ZNF395: variants seen among roughly 807,000 people sequenced by gnomAD.
ZNF395 encodes the protein HD gene regulatory region-binding protein 2.
In ZNF395, 20 loss-of-function variants were observed where a neutral mutation model predicts 57.7. The observed-to-expected ratio is 0.35, with a 90% CI of 0.24 to 0.50. The LOEUF (loss-of-function observed/expected upper bound fraction) is 0.50. Ranked by LOEUF, ZNF395 falls within the 20% of genes least tolerant of loss-of-function variation. The pLI is 0.97. For synonymous variants in ZNF395, 295 were observed against 275.9 expected (o/e 1.07, Z -0.69); for missense variants, 606 against 671.2 (o/e 0.90, Z 1.07).
At chr8:28,358,093 C>G (rs1230034516) in intron 3 of ZNF395, among the ~76,000 whole-genome samples, 2 of 150,108 alleles carry the variant, frequency 1.3e-5, no homozygotes, top group African/African-American at 2.5e-5. Flanking sequence ...GGGTTTCAAG[C>G]TAAGAATGGT....
chr8:28,359,191 G>A lies in ZNF395; in HGVS notation c.473+401C>T, dbSNP rs1222838332. Among the ~76,000 whole-genome samples the A allele has an allele frequency of 6.6e-6, 1 of 152,202 alleles. No individual in the cohort carries two copies. The highest frequency in any genetic ancestry group is 1.5e-5 in the Non-Finnish European group (1 of 68,048). Reference sequence around the variant, plus strand: ...GCAGGTGGATCACCAGAGGTCGGGAGTTTGAGACCAGCCTGACCAATAAAT... The same window carrying A: ...GCAGGTGGATCACCAGAGGTCGGGAATTTGAGACCAGCCTGACCAATAAAT... On this transcript the variant is annotated intron_variant, in intron 3 of 9. Coordinates refer to ENST00000344423, the MANE Select transcript of ZNF395 (RefSeq NM_018660.3). This position sits in a 1 kb window ranked among gnomAD's most constrained non-coding sequence, Gnocchi z 4.7.
intron 1 of ZNF395, among the ~76,000 whole-genome samples, chr8:28,367,845 G>A (rs1801929580): frequency 1.3e-5 from 2 of 152,338 alleles, no homozygotes; most frequent in South Asian, 4.1e-4. Flanking sequence ...CGTGTTATAA[G>A]AAAGAATACC....
rs1202076943 is a variant in ZNF395, at chr8:28,346,943, A to G, written c.*1776T>C. On this transcript the variant is annotated 3_prime_UTR_variant, in exon 10 of 10. Transcript: ENST00000344423. ...TACCAAGAGACAGAATTCCACATAC[A>G]TTTTTTTTTTTTTACTAAGTTATAA... is the stretch of plus-strand genomic sequence containing the variant. The G allele has an allele frequency of 7.1e-6, 1 of 140,230 alleles. No homozygotes were observed. Among genetic ancestry groups the G allele is most frequent in the African/African-American group, 2.6e-5 (1 of 37,970 alleles). 8.7% of individuals were successfully genotyped at this position (140,230 alleles called of 1,614,324 possible). A position where few individuals can be genotyped will look rare whatever the true frequency, so the allele number is the denominator to read the frequency against.
At chr8:28,351,917 G>A in intron 6 of ZNF395, 110 bp from the exon 7 acceptor site, 6 of 1,325,406 alleles carry the variant, frequency 4.5e-6, no homozygotes, top group Non-Finnish European at 5.1e-6. Flanking sequence ...AGCAAGCCAG[G>A]GACGGAGCCC....
chr8:28,350,012 T>C (rs1233457793), intron 8 of ZNF395, 52 bp downstream of exon 8: 2 of 1,488,756 alleles, frequency 1.3e-6, no homozygotes, highest in Non-Finnish European at 1.8e-6. Context: ...CTGGGATGTG[T>C]GGGAGAGCCC....
chr8:28,372,399 C>A (rs1801988260), intron 1 of ZNF395, among the ~76,000 whole-genome samples: 1 of 152,148 alleles, frequency 6.6e-6, no homozygotes, highest in Admixed American at 6.5e-5. Flanking sequence ...AAGAGCCAAA[C>A]CTATCGGAAA....
chr8:28,349,514 A>G (rs1443746054), intron 8 of ZNF395, among the ~76,000 whole-genome samples: 1 of 152,182 alleles, frequency 6.6e-6, no homozygotes, highest in Non-Finnish European at 1.5e-5. Context: ...CTATGCCTGG[A>G]AGCCTCACAC....
intron 1 of ZNF395, among the ~76,000 whole-genome samples, chr8:28,363,788 C>T (rs950711973): frequency 6.6e-5 from 10 of 152,076 alleles, no homozygotes; most frequent in African/African-American, 2.2e-4. Flanking sequence ...CAAACTCGGT[C>T]GATGTTTTTT....
At chr8:28,381,434 C>G (rs1802108841) in intron 1 of ZNF395, among the ~76,000 whole-genome samples, 1 of 152,182 alleles carries the variant, frequency 6.6e-6, no homozygotes, top group Non-Finnish European at 1.5e-5. Context: ...CCTCTTGCCT[C>G]AGGCTCCCAA....
Position 28,359,481 on chromosome 8 carries a change from G to A in ZNF395, c.473+111C>T. 7.1e-7 allele frequency: 1 copy of A among 1,417,022 alleles called. No individual in the cohort carries two copies. Among genetic ancestry groups the A allele is most frequent in the East Asian group, 2.4e-5 (1 of 41,678 alleles). 87.8% of individuals were successfully genotyped at this position (1,417,022 alleles called of 1,614,324 possible). A position where few individuals can be genotyped will look rare whatever the true frequency, so the allele number is the denominator to read the frequency against. ...GTGTCCCATTTGTCCCAATATCTTG[G>A]CACCCAGATGCCAATGACACCACAT... On this transcript the variant is annotated intron_variant, in intron 3 of 9. Transcript: ENST00000344423. The surrounding 1 kb of genome is among the most constrained non-coding windows in gnomAD (Gnocchi z 4.7).
intron 4 of ZNF395, among the ~76,000 whole-genome samples, chr8:28,354,208 G>A (rs2091067594): frequency 6.6e-6 from 1 of 152,242 alleles, no homozygotes. Context: ...TGAGCAGGAG[G>A]ACGGGCATCA....
intron 1 of ZNF395, among the ~76,000 whole-genome samples, chr8:28,364,751 G>A (rs567696936): frequency 3.9e-5 from 6 of 152,002 alleles, no homozygotes; most frequent in African/African-American, 4.8e-5. Context: ...GGAGACAGGC[G>A]GAGATTCCAT....
chr8:28,363,132 T>TA, intron 1 of ZNF395, among the ~76,000 whole-genome samples: 1 of 124,856 alleles, frequency 8.0e-6, no homozygotes, highest in East Asian at 2.9e-4. Context: ...TTTGTTTGGG[T>TA]TTTTTTTTTT....
intron 1 of ZNF395, among the ~76,000 whole-genome samples, chr8:28,369,310 A>T (rs915241808): frequency 6.6e-6 from 1 of 152,176 alleles, no homozygotes; most frequent in African/African-American, 2.4e-5. Flanking sequence ...TGTCACTTCA[A>T]TGAATGATCA....
chr8:28,354,947 A>G (rs1041618106), intron 4 of ZNF395, among the ~76,000 whole-genome samples: 7 of 151,864 alleles, frequency 4.6e-5, no homozygotes, highest in African/African-American at 7.3e-5. Context: ...CCTTCCCTAT[A>G]GGAACCACTC....
At chr8:28,353,516 T>C (rs1220896829) in intron 4 of ZNF395, 108 bp from the exon 5 acceptor site, 2 of 851,910 alleles carry the variant, frequency 2.3e-6, no homozygotes, top group African/African-American at 1.7e-5. Context: ...ATGGCAGCAA[T>C]TTCTCTTGGT....
At chr8:28,351,196 T>A (rs1017594713) in intron 7 of ZNF395, among the ~76,000 whole-genome samples, 1 of 152,168 alleles carries the variant, frequency 6.6e-6, no homozygotes, top group Non-Finnish European at 1.5e-5. Context: ...ACTACACGAC[T>A]CCATCCTCTC....
intron 1 of ZNF395, among the ~76,000 whole-genome samples, chr8:28,379,707 G>C (rs1357210562): frequency 6.6e-6 from 1 of 151,970 alleles, no homozygotes; most frequent in African/African-American, 2.4e-5. Context: ...CAGCGAGCAG[G>C]CACTCAAGAT....
chr8:28,353,182 T>C lies in ZNF395; in HGVS notation c.810A>G (p.Arg270=). ...DPFLLDEPAP[R]KRKNSVKVMY... ...CACCACAATCACGTACCTTTCTTTTTCGTGGAGCTGGTTCGTCCAGCAGGA... is the reference window on the plus strand; with the variant it reads ...CACCACAATCACGTACCTTTCTTTTCCGTGGAGCTGGTTCGTCCAGCAGGA... The change falls in exon 5 of 10, where the codon CGA becomes CGG. Residue 270 remains arginine (R), a synonymous_variant. Transcript: ENST00000344423. 2 of 1,613,710 alleles carry C rather than the reference T, an allele frequency of 1.2e-6. No homozygotes were observed. The highest frequency in any genetic ancestry group is 1.1e-5 in the South Asian group (1 of 91,068).
Sources: allele counts gnomAD v4.1 joint callset (sites outside exome capture counted in the v4.1 genomes callset), GRCh38; gene constraint gnomAD v4.1.1; non-coding constraint Gnocchi (gnomAD v3.1); transcripts MANE v1.5; gene names NCBI Gene and HGNC (gene_info 2026-07-23, HGNC 2026-07-21).